The following MRC1 variants were observed in gnomAD, a reference collection of about 807,000 sequenced individuals.
The protein encoded by MRC1 is mannose receptor C-type 1, also known as macrophage mannose receptor 1.
Under a neutral mutation model 102.9 loss-of-function variants are expected in MRC1, and 62 were observed. That is an observed-to-expected ratio of 0.60 (90% CI 0.49 to 0.74). The LOEUF is 0.74. Ranked by LOEUF, MRC1 falls within the 30% of genes least tolerant of loss-of-function variation. The probability of loss-of-function intolerance (pLI) is 0.00; values close to 1 mark genes in which losing one functional copy is unlikely to be tolerated. For missense variants in MRC1, 1,237 were observed against 862.8 expected, an observed-to-expected ratio of 1.43 and a Z score of -5.43; for synonymous variants, 457 against 298.4, an observed-to-expected ratio of 1.53 and a Z score of -5.48.
At chr10:17,879,596 C>T in intron 18 of MRC1, 125 bp from the exon 19 acceptor site, 1 of 778,272 alleles carries the variant, frequency 1.3e-6, no homozygotes, top group East Asian at 2.4e-5. Flanking sequence ...CTCCTGGCCT[C>T]AGGTGATCCA....
chr10:17,824,472 C>A (rs947303371), intron 2 of MRC1, among the ~76,000 whole-genome samples: 2 of 152,114 alleles, frequency 1.3e-5, no homozygotes, highest in Admixed American at 1.3e-4. Context: ...CAATTTAGTT[C>A]TTTATAAGGC....
intron 5 of MRC1, among the ~76,000 whole-genome samples, chr10:17,842,243 C>G (rs1021299268): frequency 1.3e-5 from 2 of 152,132 alleles, no homozygotes; most frequent in Non-Finnish European, 2.9e-5. Flanking sequence ...GGATTACAGG[C>G]GTGAGCCACT....
intron 18 of MRC1, among the ~76,000 whole-genome samples, chr10:17,878,790 G>A (rs1833472223): frequency 6.6e-6 from 1 of 152,088 alleles, no homozygotes; most frequent in Admixed American, 6.5e-5. Context: ...AGCCTCCCAA[G>A]TAGCTGGGAT....
At chr10:17,879,659 G>T (rs1490099935) in intron 18 of MRC1, 62 bp from the exon 19 acceptor site, 42 of 780,628 alleles carry the variant, frequency 5.4e-5, no homozygotes, top group Non-Finnish European at 9.3e-5. Context: ...CACTGCTCCT[G>T]GCCTGTATCC....
intron 23 of MRC1, among the ~76,000 whole-genome samples, chr10:17,896,800 C>T (rs1475496060): frequency 4.6e-5 from 7 of 152,070 alleles, no homozygotes; most frequent in Non-Finnish European, 8.8e-5. Flanking sequence ...TGAAATGAAA[C>T]AAAAAAGTTG....
At chr10:17,831,086 C>T (rs1009999508) in intron 3 of MRC1, among the ~76,000 whole-genome samples, 6 of 147,832 alleles carry the variant, frequency 4.1e-5, no homozygotes, top group Admixed American at 2.7e-4. Context: ...TTAGTAGAGA[C>T]GGAGTTTCAC....
intron 3 of MRC1, among the ~76,000 whole-genome samples, chr10:17,828,080 A>G (rs1838508977): frequency 6.6e-6 from 1 of 151,866 alleles, no homozygotes; most frequent in African/African-American, 2.4e-5. Flanking sequence ...CTCTTTATTT[A>G]TTTATTTATT....
In MRC1 at chr10:17,894,879, A is replaced by T. The variant is rs1010637927; in HGVS notation, c.3250+567A>T. ...GCTGTGTTTTTAAATGTACTTTAAA[A>T]TATATAATCATGGTTGGGCACTGTG... On this transcript the variant is annotated intron_variant, in intron 23 of 29. Coordinates refer to ENST00000569591, the MANE Select transcript of MRC1 (RefSeq NM_002438.4). Among the ~76,000 whole-genome samples the T allele has an allele frequency of 6.6e-4, 101 of 152,246 alleles. 2 individuals carry two copies. Among genetic ancestry groups the T allele is most frequent in the East Asian group, 5.2e-3 (27 of 5,162 alleles).
intron 1 of MRC1, among the ~76,000 whole-genome samples, chr10:17,821,043 A>G (rs1282633487): frequency 2.0e-5 from 3 of 152,122 alleles, no homozygotes; most frequent in African/African-American, 4.8e-5. Flanking sequence ...TGGGATAGGT[A>G]TTGCATGTTC....
intron 11 of MRC1, among the ~76,000 whole-genome samples, chr10:17,864,055 T>C (rs1202912026): frequency 7.2e-5 from 11 of 152,144 alleles, no homozygotes; most frequent in African/African-American, 2.7e-4. Flanking sequence ...CAGGCTGGAG[T>C]GCAGTGGCGC....
rs537123810 is a variant in MRC1 at position 17,810,095 on chromosome 10, C to T, written c.61+569C>T. 1.2e-4 allele frequency among the ~76,000 whole-genome samples: 18 copies of T among 152,282 alleles called. No homozygotes were observed. The South Asian group carries it at 3.5e-3, about 30-fold the overall frequency. Reference sequence around the variant, plus strand: ...AGTTCATCCTTATCTGTATTCTAGACTATTCAAACTGCCGCATAAGCAGAT... The same window carrying T: ...AGTTCATCCTTATCTGTATTCTAGATTATTCAAACTGCCGCATAAGCAGAT... On this transcript the variant is annotated intron_variant, in intron 1 of 29. Transcript: ENST00000569591.
chr10:17,848,518 C>G (rs1838861231), intron 6 of MRC1, among the ~76,000 whole-genome samples: 1 of 152,020 alleles, frequency 6.6e-6, no homozygotes, highest in Non-Finnish European at 1.5e-5. Flanking sequence ...CAATTTGATC[C>G]TATTAGTAGC....
chr10:17,809,699 T>C (rs1489406932), intron 1 of MRC1, among the ~76,000 whole-genome samples, 173 bp downstream of exon 1: 1 of 151,986 alleles, frequency 6.6e-6, no homozygotes, highest in East Asian at 1.9e-4. Flanking sequence ...CGGCCAGGCA[T>C]GGGAGGCCTG....
Position 17,849,730 on chromosome 10 carries a change from G to T in MRC1, c.1215G>T (p.Glu405Asp). 1 of 780,918 alleles carries T rather than the reference G, an allele frequency of 1.3e-6. No homozygotes were observed. The highest frequency in any genetic ancestry group is 2.3e-4 in the Middle Eastern group (1 of 4,442). 48.4% of individuals were successfully genotyped at this position (780,918 alleles called of 1,614,324 possible). The change falls in exon 7 of 30, where the codon GAG becomes GAT. Residue 405 changes from glutamate (E) to aspartate (D), a missense_variant. By Grantham distance (45) the Glu-to-Asp change is conservative. Transcript: ENST00000569591. The part of the protein sequence containing the change: ...GGDLTSIHTI[E>D]ELDFIISQLG... ...ACCTCACAAGTATCCACACCATCGA[G>T]GAATTGGACTTTATTATCTCCCAGC...
chr10:17,845,971 G>A (rs1020556012), intron 6 of MRC1, among the ~76,000 whole-genome samples: 6 of 152,140 alleles, frequency 3.9e-5, no homozygotes, highest in Non-Finnish European at 7.3e-5. Context: ...GTACAATGGC[G>A]CGATCTCAGC....
intron 7 of MRC1, among the ~76,000 whole-genome samples, chr10:17,850,281 A>T (rs1838894515): frequency 7.9e-6 from 1 of 126,918 alleles, no homozygotes. Context: ...AAATGGTTAG[A>T]TGTCAGCCTA....
intron 22 of MRC1, among the ~76,000 whole-genome samples, chr10:17,893,644 G>A (rs1426769827): frequency 1.3e-5 from 2 of 152,084 alleles, no homozygotes; most frequent in East Asian, 1.9e-4. Context: ...AAGGAAAGAA[G>A]GATTTGGAAT....
Position 17,900,846 on chromosome 10 carries a change from CTGA to C in MRC1, c.3546_3548del (p.Asp1182del). ...AGGGTGAGGTACACTAACTGGGCTG[CTGA>C]TGAGCCCAAATTGAAATCAGCATGT... On this transcript the variant is annotated inframe_deletion, in exon 25 of 30. Transcript: ENST00000569591. 1 of 780,790 alleles carries C rather than the reference CTGA, an allele frequency of 1.3e-6. No individual in the cohort carries two copies. The highest frequency in any genetic ancestry group is 2.4e-6 in the Non-Finnish European group (1 of 417,948). The allele number at this position is 780,790 out of a possible 1,614,324, so 48.4% of individuals were successfully genotyped here. A position where few individuals can be genotyped will look rare whatever the true frequency, so the allele number is the denominator to read the frequency against.
At position 17,890,833 on chromosome 10, in the gene MRC1, G is replaced by A. The variant is rs1190341711; in HGVS notation, c.3148-3377G>A. Among the ~76,000 whole-genome samples, 3 of 152,124 alleles carry A rather than the reference G, an allele frequency of 2.0e-5. No individual in the cohort carries two copies. The East Asian group carries it at 5.8e-4, about 29-fold the overall frequency. ...TTAGGAACTGAGCCTCACAGCAGGA[G>A]GCGGGTGGCAGGCGAGTGAGCTAAG... On this transcript the variant is annotated intron_variant, in intron 22 of 29. Transcript: ENST00000569591.
Sources: allele counts gnomAD v4.1 joint callset (sites outside exome capture counted in the v4.1 genomes callset), GRCh38; gene constraint gnomAD v4.1.1; transcripts MANE v1.5; gene names NCBI Gene and HGNC (gene_info 2026-07-23, HGNC 2026-07-21).